Variants in PRCP observed in about 807,000 individuals in gnomAD.
The protein encoded by PRCP is prolylcarboxypeptidase, also known as lysosomal Pro-X carboxypeptidase.
PRCP carries 46 observed loss-of-function variants against 54.2 expected under a neutral mutation model. That is an observed-to-expected ratio of 0.85 (90% CI 0.67 to 1.09). PRCP has a LOEUF of 1.09. Ranked by LOEUF, PRCP falls within the 50% of genes least tolerant of loss-of-function variation. The pLI, the probability that PRCP is intolerant of heterozygous loss-of-function variation, is 0.00. For missense variants in PRCP, 613 were observed against 596.8 expected, an observed-to-expected ratio of 1.03 and a Z score of -0.28; for synonymous variants, 240 against 212.2, an observed-to-expected ratio of 1.13 and a Z score of -1.14.
At chr11:82,879,479 T>C (rs1859695070) in intron 1 of PRCP, among the ~76,000 whole-genome samples, 1 of 152,226 alleles carries the variant, frequency 6.6e-6, no homozygotes, top group Non-Finnish European at 1.5e-5. Context: ...TCAAACATCC[T>C]CCTTTAGCTC....
intron 1 of PRCP, among the ~76,000 whole-genome samples, chr11:82,898,985 T>C (rs562326366): frequency 7.7e-6 from 1 of 130,210 alleles, no homozygotes; most frequent in South Asian, 2.3e-4. Flanking sequence ...TCTCTATTTT[T>C]AAAAATAAAA....
chr11:82,842,577 A>G (rs768862839), intron 6 of PRCP, among the ~76,000 whole-genome samples: 1 of 152,186 alleles, frequency 6.6e-6, no homozygotes, highest in Non-Finnish European at 1.5e-5. Flanking sequence ...TAAGGCTACA[A>G]TAAATACCCT....
chr11:82,828,981 A>C (rs994717273), intron 8 of PRCP: 1 of 152,152 alleles, frequency 6.6e-6, no homozygotes, highest in African/African-American at 2.4e-5. Flanking sequence ...TTAACACACA[A>C]TCTGTCAACA....
chr11:82,886,018 T>C (rs1287537278), intron 1 of PRCP, among the ~76,000 whole-genome samples: 1 of 152,170 alleles, frequency 6.6e-6, no homozygotes, highest in Non-Finnish European at 1.5e-5. Context: ...TATAGAGCTA[T>C]CCAAAATAAC....
In PRCP at chr11:82,860,019, G is replaced by A. The variant is rs764246246; in HGVS notation, c.267C>T (p.Tyr89=). 1.9e-6 allele frequency: 3 copies of A among 1,590,840 alleles called. No individual in the cohort carries two copies. The highest frequency in any genetic ancestry group is 2.6e-6 in the Non-Finnish European group (3 of 1,169,932). ...WKKNGGSILF[Y]TGNEGDIIWF... ...AGATAATGTCCCCTTCATTACCAGT[G>A]TAGAAAAGTATTGATCCACCATTTT... Residue 89 remains tyrosine, a synonymous_variant, in exon 2 of 9, where the codon TAC becomes TAT. Coordinates refer to ENST00000313010, the MANE Select transcript of PRCP (RefSeq NM_005040.4).
intron 1 of PRCP, among the ~76,000 whole-genome samples, chr11:82,864,120 C>T (rs148351379): frequency 6.6e-6 from 1 of 152,204 alleles, no homozygotes; most frequent in Admixed American, 6.5e-5. Context: ...CATTTGCACA[C>T]CAATCCTAAG....
At chr11:82,826,183 T>A (rs967840948) in intron 8 of PRCP, 1 of 152,240 alleles carries the variant, frequency 6.6e-6, no homozygotes, top group African/African-American at 2.4e-5. Flanking sequence ...ATCTATAGAT[T>A]TGCCTATTCT....
chr11:82,838,599 C>A, intron 7 of PRCP, 25 bp from the exon 8 acceptor site: 1 of 1,584,042 alleles, frequency 6.3e-7, no homozygotes, highest in Admixed American at 1.8e-5. Flanking sequence ...AAGAGAGAAT[C>A]CAATTAGAAA....
At chr11:82,890,807 C>T (rs1439515176) in intron 1 of PRCP, among the ~76,000 whole-genome samples, 1 of 152,226 alleles carries the variant, frequency 6.6e-6, no homozygotes, top group Non-Finnish European at 1.5e-5. Flanking sequence ...TTTATTTAGG[C>T]ACTACTGGTT....
chr11:82,896,175 C>A (rs180869625), intron 1 of PRCP, among the ~76,000 whole-genome samples: 2 of 152,276 alleles, frequency 1.3e-5, no homozygotes, highest in Admixed American at 6.5e-5. Context: ...ATGTGGCTTT[C>A]ATTTGTTACG....
In PRCP at chr11:82,849,120, C is replaced by A. The variant is rs373494621; in HGVS notation, c.850G>T (p.Val284Leu). 6.8e-6 allele frequency: 11 copies of A among 1,613,992 alleles called. No individual in the cohort carries two copies. Among genetic ancestry groups the A allele is most frequent in the African/African-American group, 1.3e-5 (1 of 74,900 alleles). The part of the protein sequence containing the change: ...HLKDWISETW[V>L]NLAMVDYPYA... Reference sequence around the variant, plus strand: ...GGATAGTCCACCATTGCCAGATTCACCCAGGTTTCAGAGATCCAGTCTTTC... The same window carrying A: ...GGATAGTCCACCATTGCCAGATTCAACCAGGTTTCAGAGATCCAGTCTTTC... The change falls in exon 6 of 9, where the codon GTG (valine) becomes TTG (leucine). Residue 284 changes from valine (V) to leucine (L), a missense_variant. Transcript: ENST00000313010.
intron 8 of PRCP, chr11:82,825,364 C>G (rs1191485720): frequency 2.1e-6 from 1 of 487,612 alleles, no homozygotes; most frequent in East Asian, 4.1e-5. Context: ...TCCCACAAAT[C>G]AACCTAGACT....
At chr11:82,896,221 T>C (rs1860117892) in intron 1 of PRCP, among the ~76,000 whole-genome samples, 1 of 152,228 alleles carries the variant, frequency 6.6e-6, no homozygotes, top group Admixed American at 6.5e-5. Flanking sequence ...GTGGATGTGA[T>C]GATTAATTTT....
intron 1 of PRCP, among the ~76,000 whole-genome samples, chr11:82,897,025 C>T (rs1336286058): frequency 6.6e-6 from 1 of 152,142 alleles, no homozygotes; most frequent in African/African-American, 2.4e-5. Flanking sequence ...CTGAGGGGCT[C>T]AGGTGGGAGG....
rs1467279472 is a variant in PRCP at position 82,873,243 on chromosome 11, CAG to C, written c.169-13128_169-13127del. ...TAATCTCCAAAGTCATAATACACCC[CAG>C]AAAGATCTCAATGAAGAAGGACTCA... On this transcript the variant is annotated intron_variant, in intron 1 of 8. Coordinates refer to ENST00000313010, the MANE Select transcript of PRCP (RefSeq NM_005040.4). Among the ~76,000 whole-genome samples the C allele has an allele frequency of 2.0e-5, 3 of 152,218 alleles. No homozygotes were observed. In the East Asian group the frequency reaches 5.8e-4, roughly 29 times the overall value.
intron 1 of PRCP, among the ~76,000 whole-genome samples, chr11:82,875,509 A>G (rs1456370091): frequency 6.6e-6 from 1 of 152,212 alleles, no homozygotes; most frequent in African/African-American, 2.4e-5. Flanking sequence ...AGCTGTAAAC[A>G]CATAGGTGAC....
intron 1 of PRCP, 79 bp from the exon 2 acceptor site, chr11:82,860,196 A>G (rs977791880): frequency 9.8e-7 from 1 of 1,016,992 alleles, no homozygotes. Flanking sequence ...TAATTCTTCC[A>G]TTAAAATCAA....
chr11:82,868,375 C>T (rs1285412838), intron 1 of PRCP, among the ~76,000 whole-genome samples: 1 of 152,000 alleles, frequency 6.6e-6, no homozygotes, highest in Non-Finnish European at 1.5e-5. Flanking sequence ...CACTAAAAGG[C>T]AGGTATTAAG....
At chr11:82,901,470 C>T, upstream of PRCP, 1 of 159,456 alleles carries the variant, frequency 6.3e-6, no homozygotes, top group South Asian at 1.5e-4. Flanking sequence ...CCGCCAGACC[C>T]CAGGGCGCTG....
Sources: gnomAD v4.1 joint callset for allele counts (sites outside exome capture counted in the v4.1 genomes callset) on GRCh38, gnomAD v4.1.1 for gene constraint, MANE v1.5 for transcripts, NCBI Gene and HGNC (gene_info 2026-07-23, HGNC 2026-07-21) for gene names.